Variants in MYBPC1 observed in about 807,000 individuals in gnomAD.
The protein encoded by MYBPC1 is myosin binding protein C1.
In MYBPC1, 52 loss-of-function variants were observed where a neutral mutation model predicts 147.1. The ratio of observed to expected loss-of-function variants is 0.35; its 90% CI spans 0.28 to 0.45. The LOEUF (loss-of-function observed/expected upper bound fraction) is 0.45. MYBPC1 is among the 20% of genes least tolerant of loss of function. MYBPC1 has a pLI of 1.00. For missense variants in MYBPC1, 1,228 were observed against 1,440.3 expected, an observed-to-expected ratio of 0.85 and a Z score of 2.39; for synonymous variants, 477 against 475.9, an observed-to-expected ratio of 1.00 and a Z score of -0.03.
Position 101,642,516 on chromosome 12 carries a change from G to C in MYBPC1, c.763G>C (p.Gly255Arg). The part of the protein sequence containing the change: ...SEYEKIAFQY[G>R]ITDLRGMLKR... ...GTACGAGAAGATCGCCTTCCAGTAT[G>C]GAATCACCGACCTGCGCGGCATGCT... The change falls in exon 11 of 32, where the codon GGA becomes CGA. Residue 255 changes from glycine (G) to arginine (R), a missense_variant. Physicochemically the swap from Gly to Arg is moderately radical, Grantham distance 125. This residue lies in a region of MYBPC1 where 1,077 missense variants were observed against 1,314.2 expected (regional missense o/e 0.82). Transcript: ENST00000361466. 6.2e-7 allele frequency: 1 copy of C among 1,613,810 alleles called. No homozygotes were observed. The highest frequency in any genetic ancestry group is 8.5e-7 in the Non-Finnish European group (1 of 1,179,918).
At chr12:101,681,771 G>A (rs558376486) in intron 29 of MYBPC1, among the ~76,000 whole-genome samples, 1 of 150,494 alleles carries the variant, frequency 6.6e-6, no homozygotes, top group African/African-American at 2.4e-5. Flanking sequence ...ACCACACCCA[G>A]CTTATTTTTG....
At chr12:101,680,286 A>T (rs916384946) in intron 28 of MYBPC1, 57 bp from the exon 29 acceptor site, 6 of 1,521,106 alleles carry the variant, frequency 3.9e-6, no homozygotes, top group Admixed American at 1.8e-5. Flanking sequence ...TTGATGGTCT[A>T]TTAATATGCC....
chr12:101,610,820 A>G (rs1289247298), intron 1 of MYBPC1, among the ~76,000 whole-genome samples: 2 of 152,150 alleles, frequency 1.3e-5, no homozygotes, highest in African/African-American at 4.8e-5. Flanking sequence ...TGCCTTGTCC[A>G]ACATAGGTAG....
intron 17 of MYBPC1, 152 bp from the exon 18 acceptor site, chr12:101,652,963 G>C (rs1157169993): frequency 8.4e-7 from 1 of 1,186,192 alleles, no homozygotes. Flanking sequence ...AAATGGTTTT[G>C]CAAGGTGCCA....
chr12:101,686,282 C>T (rs985287107), downstream of MYBPC1, among the ~76,000 whole-genome samples: 11 of 152,068 alleles, frequency 7.2e-5, no homozygotes, highest in South Asian at 2.1e-4. Context: ...GGTTGTATGC[C>T]GAGACACAAA....
rs1877729105 is a variant in MYBPC1 at position 101,597,375 on chromosome 12, G to A, written c.25+2280G>A. 3.3e-5 allele frequency among the ~76,000 whole-genome samples: 5 copies of A among 152,248 alleles called. No individual in the cohort carries two copies. In the South Asian group the frequency reaches 1.0e-3, roughly 32 times the overall value. ...TGACCACTTGCTGTGAATCTTAATA[G>A]GACACATGAGCTGGTTTGGCCCTCC... On this transcript the variant is annotated intron_variant, in intron 1 of 31. Coordinates refer to ENST00000361466, the MANE Select transcript of MYBPC1 (RefSeq NM_002465.4).
intron 18 of MYBPC1, among the ~76,000 whole-genome samples, chr12:101,653,988 A>C (rs373019223): frequency 6.6e-6 from 1 of 152,202 alleles, no homozygotes; most frequent in South Asian, 2.1e-4. Context: ...AGAACACCTG[A>C]AGCCAGGAGT....
chr12:101,678,256 C>A lies in MYBPC1; in HGVS notation c.3246+18C>A. ...ATCCTAAGGTACCATGTTCTTCTAT[C>A]ACATCAGTTAAAGTCCCTGTCTTGT... On this transcript the variant is annotated intron_variant, in intron 28 of 31. Transcript: ENST00000361466. 3 of 1,613,566 alleles carry A rather than the reference C, an allele frequency of 1.9e-6. No individual in the cohort carries two copies. Among genetic ancestry groups the A allele is most frequent in the Non-Finnish European group, 2.5e-6 (3 of 1,179,498 alleles).
chr12:101,691,792 T>A, the MYBPC1 span, among the ~76,000 whole-genome samples: 1 of 152,230 alleles, frequency 6.6e-6, no homozygotes, highest in Non-Finnish European at 1.5e-5. Context: ...ACATATTTTT[T>A]AAATGATGGA....
chr12:101,599,851 GGA>G (rs1405971318), intron 1 of MYBPC1, among the ~76,000 whole-genome samples: 2 of 152,132 alleles, frequency 1.3e-5, no homozygotes, highest in Non-Finnish European at 2.9e-5. Flanking sequence ...ATGCTGTGCT[GGA>G]GATTCATGGC....
chr12:101,649,499 A>T, intron 15 of MYBPC1, 73 bp downstream of exon 15: 2 of 1,544,788 alleles, frequency 1.3e-6, no homozygotes, highest in South Asian at 2.2e-5. Context: ...GTTTCAGAAA[A>T]GTTTCTATTT....
In MYBPC1 at chr12:101,685,868, T is replaced by C; in HGVS notation, c.*306T>C. The C allele has an allele frequency of 2.0e-6, 1 of 499,046 alleles. No homozygotes were observed. Among genetic ancestry groups the C allele is most frequent in the East Asian group, 3.7e-5 (1 of 26,946 alleles). 30.9% of individuals were successfully genotyped at this position (499,046 alleles called of 1,614,324 possible). On this transcript the variant is annotated 3_prime_UTR_variant, in exon 32 of 32. Transcript: ENST00000361466. ...TTAATTAAAAATTGCAAACAAAATC[T>C]CATTTGAAGTCAGCACTTTGGTCAT...
At chr12:101,640,571 T>C (rs1305294012) in intron 10 of MYBPC1, among the ~76,000 whole-genome samples, 1 of 152,248 alleles carries the variant, frequency 6.6e-6, no homozygotes, top group African/African-American at 2.4e-5. Context: ...TGGTGTTGTC[T>C]AGTCCTTCCC....
At chr12:101,603,791 T>A (rs1333264815) in intron 1 of MYBPC1, among the ~76,000 whole-genome samples, 1 of 152,028 alleles carries the variant, frequency 6.6e-6, no homozygotes, top group Non-Finnish European at 1.5e-5. Flanking sequence ...ACAAAAATTA[T>A]CTGGATGTGG....
At chr12:101,678,911 G>A (rs1424371620) in intron 28 of MYBPC1, among the ~76,000 whole-genome samples, 4 of 152,014 alleles carry the variant, frequency 2.6e-5, no homozygotes, top group Non-Finnish European at 5.9e-5. Flanking sequence ...CCTGTAATCC[G>A]AACACTTTGG....
At chr12:101,596,710 A>G (rs1240644070) in intron 1 of MYBPC1, among the ~76,000 whole-genome samples, 1 of 152,238 alleles carries the variant, frequency 6.6e-6, no homozygotes, top group Non-Finnish European at 1.5e-5. Flanking sequence ...TCACTCTTTT[A>G]TGGGGAATGA....
At chr12:101,603,506 G>A (rs2958098) in intron 1 of MYBPC1, among the ~76,000 whole-genome samples, 82,641 of 151,882 alleles carry the variant, frequency 0.54, 24,299 homozygotes, top group African/African-American at 0.77. Context: ...TGTTTATTGC[G>A]GTGGAATTTT....
At chr12:101,611,106 G>C (rs982079388) in intron 1 of MYBPC1, among the ~76,000 whole-genome samples, 1 of 152,136 alleles carries the variant, frequency 6.6e-6, no homozygotes, top group African/African-American at 2.4e-5. Flanking sequence ...CTGTAATTTT[G>C]AGAAGAAAAA....
intron 18 of MYBPC1, among the ~76,000 whole-genome samples, chr12:101,658,388 TAAA>T (rs56350975): frequency 0.42 from 63,087 of 149,886 alleles, 14,074 homozygotes; most frequent in Admixed American, 0.59. Context: ...TTCAATCTGA[TAAA>T]AAAAAAAAAA....
Sources: gnomAD v4.1 joint callset for allele counts (sites outside exome capture counted in the v4.1 genomes callset) on GRCh38, gnomAD v4.1.1 for gene constraint, gnomAD v4.1.1 regional missense constraint, MANE v1.5 for transcripts, NCBI Gene and HGNC (gene_info 2026-07-23, HGNC 2026-07-21) for gene names.